The following DNAH11 variants were observed in gnomAD, a reference collection of about 807,000 sequenced individuals.
DNAH11 encodes axonemal beta dynein heavy chain 11.
DNAH11 carries 442 observed loss-of-function variants against 526.0 expected under a neutral mutation model. The ratio of observed to expected loss-of-function variants is 0.84; its 90% CI spans 0.78 to 0.91. The LOEUF (loss-of-function observed/expected upper bound fraction) is 0.91. DNAH11 is among the 40% of genes least tolerant of loss of function. DNAH11 has a pLI of 0.00. For synonymous variants in DNAH11, 2,461 were observed against 1,935.9 expected (o/e 1.27, Z -7.12); for missense variants, 6,989 against 5,448.7 (o/e 1.28, Z -8.90).
chr7:21,742,566 C>T (rs997306136), intron 49 of DNAH11, among the ~76,000 whole-genome samples: 1 of 152,148 alleles, frequency 6.6e-6, no homozygotes, highest in Non-Finnish European at 1.5e-5. Context: ...ATCCAGTCAC[C>T]TCCCACCAGG....
At chr7:21,710,218 A>T (rs886473520) in intron 40 of DNAH11, among the ~76,000 whole-genome samples, 2 of 152,242 alleles carry the variant, frequency 1.3e-5, no homozygotes, top group Non-Finnish European at 2.9e-5. Flanking sequence ...ATGAAGAAGG[A>T]TCATGTCTTC....
At chr7:21,664,568 C>A (rs985565841) in intron 30 of DNAH11, among the ~76,000 whole-genome samples, 9 of 152,150 alleles carry the variant, frequency 5.9e-5, no homozygotes, top group South Asian at 2.1e-4. Flanking sequence ...AAGCAAACCT[C>A]CCGCCTCATG....
rs1789499523 is a variant in DNAH11, at chr7:21,811,214, G to A, written c.10332+3165G>A. ...CTGGTGGCTAATGCGTGTAATCCCA[G>A]CACTTTGGGAGGCCATGGCGGGCAG... On this transcript the variant is annotated intron_variant, in intron 63 of 81. Transcript: ENST00000409508. Among the ~76,000 whole-genome samples the A allele has an allele frequency of 9.9e-5, 15 of 152,254 alleles. 1 individual carries two copies. In the South Asian group the frequency reaches 3.1e-3, roughly 32 times the overall value.
chr7:21,805,254 G>A (rs749347141), intron 62 of DNAH11, among the ~76,000 whole-genome samples: 6 of 152,116 alleles, frequency 3.9e-5, no homozygotes, highest in Non-Finnish European at 5.9e-5. Context: ...TTGCATGAAC[G>A]TAGTTGTCCG....
At chr7:21,692,396 C>T (rs1056951043) in intron 35 of DNAH11, among the ~76,000 whole-genome samples, 5 of 152,170 alleles carry the variant, frequency 3.3e-5, no homozygotes, top group Non-Finnish European at 5.9e-5. Flanking sequence ...ATTTGTCATT[C>T]CTAGAGTTCA....
At chr7:21,575,013 T>G (rs1784033525) in intron 8 of DNAH11, among the ~76,000 whole-genome samples, 1 of 151,560 alleles carries the variant, frequency 6.6e-6, no homozygotes, top group Non-Finnish European at 1.5e-5. Flanking sequence ...TAGCTGGGAT[T>G]ACAGGAGTGT....
chr7:21,707,384 A>G (rs1436255891), intron 39 of DNAH11, among the ~76,000 whole-genome samples: 1 of 152,260 alleles, frequency 6.6e-6, no homozygotes, highest in Non-Finnish European at 1.5e-5. Flanking sequence ...TGTAATCAAC[A>G]TAAATGCTTA....
Position 21,591,715 on chromosome 7 carries a change from A to G in DNAH11, c.2667+138A>G, listed in dbSNP as rs971806905. 1.8e-5 allele frequency: 16 copies of G among 867,590 alleles called. No individual in the cohort carries two copies. In the African/African-American group the frequency reaches 2.4e-4, roughly 13 times the overall value. 53.7% of individuals were successfully genotyped at this position (867,590 alleles called of 1,614,324 possible). ...ATGAATGGTATTATTAGGCATTTAAAGTGGAGGAATTTGTGTTACTTGCCT... is the reference window on the plus strand; with the variant it reads ...ATGAATGGTATTATTAGGCATTTAAGGTGGAGGAATTTGTGTTACTTGCCT... On this transcript the variant is annotated intron_variant, in intron 14 of 81. Transcript: ENST00000409508.
chr7:21,884,802 G>A (rs577541688), intron 76 of DNAH11, among the ~76,000 whole-genome samples: 9 of 152,242 alleles, frequency 5.9e-5, no homozygotes, highest in South Asian at 2.1e-4. Flanking sequence ...AGTTTTGTGC[G>A]TCTTTTGATA....
At chr7:21,847,940 C>G (rs545293137) in intron 66 of DNAH11, among the ~76,000 whole-genome samples, 1 of 151,872 alleles carries the variant, frequency 6.6e-6, no homozygotes, top group Non-Finnish European at 1.5e-5. Flanking sequence ...CTGAGACGGG[C>G]GGATCACGAG....
Position 21,564,348 on chromosome 7 carries a change from C to CT in DNAH11, c.1146dup (p.Arg383SerfsTer11). 6.2e-7 allele frequency: 1 copy of CT among 1,613,452 alleles called. No individual in the cohort carries two copies. Among genetic ancestry groups the CT allele is most frequent in the Non-Finnish European group, 8.5e-7 (1 of 1,179,696 alleles). On this transcript the variant is annotated frameshift_variant, in exon 6 of 82. Coordinates refer to ENST00000409508, the MANE Select transcript of DNAH11 (RefSeq NM_001277115.2). LOFTEE classifies it high-confidence loss of function. ...CATTCCAAGTTTTATAACACCCCAG[C>CT]TCGGGTTATAGTTTTATTGCAAGAG...
intron 49 of DNAH11, 54 bp downstream of exon 49, chr7:21,742,220 T>C: frequency 3.2e-6 from 5 of 1,572,044 alleles, no homozygotes; most frequent in Non-Finnish European, 3.5e-6. Flanking sequence ...ATGATAATAC[T>C]ATGTATTAGC....
chr7:21,648,678 T>C (rs1248525259), intron 28 of DNAH11, among the ~76,000 whole-genome samples: 4 of 152,200 alleles, frequency 2.6e-5, no homozygotes, highest in Non-Finnish European at 5.9e-5. Flanking sequence ...CTTGGCGTGT[T>C]TTGTTATACT....
intron 28 of DNAH11, among the ~76,000 whole-genome samples, chr7:21,654,007 C>T (rs765143556): frequency 1.3e-5 from 2 of 152,198 alleles, no homozygotes; most frequent in Non-Finnish European, 1.5e-5. Flanking sequence ...TTTGTTACAG[C>T]AGTGGCGCCT....
intron 55 of DNAH11, among the ~76,000 whole-genome samples, chr7:21,773,056 T>G (rs1214136185): frequency 2.6e-5 from 4 of 152,066 alleles, no homozygotes; most frequent in African/African-American, 9.7e-5. Flanking sequence ...CTGGTTCATC[T>G]TGTACAGAAT....
At chr7:21,561,429 G>A (rs1361281158) in intron 5 of DNAH11, 4 of 341,064 alleles carry the variant, frequency 1.2e-5, no homozygotes, top group African/African-American at 2.2e-5. Flanking sequence ...GTGGAGGAGT[G>A]AGGCCTTCAT....
intron 68 of DNAH11, among the ~76,000 whole-genome samples, chr7:21,859,734 A>G (rs1281061904): frequency 6.6e-6 from 1 of 152,050 alleles, no homozygotes; most frequent in Non-Finnish European, 1.5e-5. Context: ...ATATTTTTCA[A>G]ATTTATATTT....
intron 63 of DNAH11, among the ~76,000 whole-genome samples, chr7:21,814,558 T>A (rs1490961758): frequency 7.4e-6 from 1 of 135,130 alleles, no homozygotes; most frequent in Admixed American, 8.5e-5. Flanking sequence ...ATGTTCCCCT[T>A]CCTGTGTCCA....
Position 21,698,028 on chromosome 7 carries a change from T to C in DNAH11, c.6042-47T>C, listed in dbSNP as rs75089728. On this transcript the variant is annotated intron_variant, in intron 35 of 81. Coordinates refer to ENST00000409508, the MANE Select transcript of DNAH11 (RefSeq NM_001277115.2). ...CCACTTGATTTCAGCAATTTGTACTTATCACCTTGTCACATTTTAAAACTA... is the reference window on the plus strand; with the variant it reads ...CCACTTGATTTCAGCAATTTGTACTCATCACCTTGTCACATTTTAAAACTA... 10,522 of 1,564,948 alleles carry C rather than the reference T, an allele frequency of 6.7e-3. 853 individuals carry two copies. The East Asian group carries it at 0.18, about 27-fold the overall frequency.
Sources: gnomAD v4.1 joint callset for allele counts (sites outside exome capture counted in the v4.1 genomes callset) on GRCh38, gnomAD v4.1.1 for gene constraint, MANE v1.5 for transcripts, NCBI Gene and HGNC (gene_info 2026-07-23, HGNC 2026-07-21) for gene names.